The following CXCL13 variants were observed in gnomAD, a reference collection of about 807,000 sequenced individuals.
The protein encoded by CXCL13 is C-X-C motif chemokine 13.
Under a neutral mutation model 12.2 loss-of-function variants are expected in CXCL13, and 7 were observed. The observed-to-expected ratio is 0.57, with a 90% CI of 0.33 to 1.07. The LOEUF (loss-of-function observed/expected upper bound fraction) is 1.07. CXCL13 is among the 50% of genes least tolerant of loss of function. The probability of loss-of-function intolerance (pLI) is 0.04; values close to 1 mark genes in which losing one functional copy is unlikely to be tolerated. For synonymous variants in CXCL13, 47 were observed against 42.4 expected (o/e 1.11, Z -0.42); for missense variants, 113 against 127.4 (o/e 0.89, Z 0.55).
At chr4:77,602,083 C>T (rs1726890336), upstream of CXCL13, among the ~76,000 whole-genome samples, 1 of 152,184 alleles carries the variant, frequency 6.6e-6, no homozygotes, top group Non-Finnish European at 1.5e-5. Flanking sequence ...GACATTTGTC[C>T]TATCTCTTAC....
chr4:77,556,531 C>T (rs1725663857), intron 1 of CXCL13, among the ~76,000 whole-genome samples: 1 of 151,962 alleles, frequency 6.6e-6, no homozygotes, highest in Non-Finnish European at 1.5e-5. Context: ...GTGGTAGGTG[C>T]ACAAATGTAT....
rs1422734521 is a variant in CXCL13 at position 77,611,705 on chromosome 4, C to G, written c.*666C>G. The G allele has an allele frequency of 2.5e-6, 1 of 397,822 alleles. No homozygotes were observed. The highest frequency in any genetic ancestry group is 2.1e-5 in the African/African-American group (1 of 48,184). The allele number at this position is 397,822 out of a possible 1,614,324, so 24.6% of individuals were successfully genotyped here. A position where few individuals can be genotyped will look rare whatever the true frequency, so the allele number is the denominator to read the frequency against. The stretch of plus-strand genomic sequence containing the variant: ...TTCACACATTTGCCTTGACAAACTT[C>G]TTTCACTCACATCTTTTTCACTGAC... On this transcript the variant is annotated 3_prime_UTR_variant, in exon 4 of 4. Transcript: ENST00000682537.
At chr4:77,581,923 G>T (rs1221136428) in intron 1 of CXCL13, among the ~76,000 whole-genome samples, 3 of 152,056 alleles carry the variant, frequency 2.0e-5, no homozygotes, top group African/African-American at 7.2e-5. Flanking sequence ...TGCAATTTTG[G>T]TTTCTATTAC....
chr4:77,600,754 G>T (rs1726865432), intron 1 of CXCL13, among the ~76,000 whole-genome samples: 1 of 152,208 alleles, frequency 6.6e-6, no homozygotes, highest in Non-Finnish European at 1.5e-5. Context: ...GGCCGAATGT[G>T]ATCTCATGCC....
upstream of CXCL13, among the ~76,000 whole-genome samples, chr4:77,605,624 C>T (rs1213564317): frequency 6.6e-6 from 1 of 152,140 alleles, no homozygotes; most frequent in Non-Finnish European, 1.5e-5. Context: ...CACTTATAGT[C>T]CATGTTTGCA....
chr4:77,542,736 CT>C (rs929070193), intron 1 of CXCL13, among the ~76,000 whole-genome samples: 1 of 152,132 alleles, frequency 6.6e-6, no homozygotes, highest in Non-Finnish European at 1.5e-5. Context: ...GGTGAACTAA[CT>C]TTTTTAAGTG....
At chr4:77,519,593 C>G (rs1428751968) in intron 1 of CXCL13, among the ~76,000 whole-genome samples, 3 of 152,104 alleles carry the variant, frequency 2.0e-5, no homozygotes, top group Non-Finnish European at 4.4e-5. Context: ...TGTTTGAGTT[C>G]TTTGTAGATT....
At chr4:77,526,090 G>A (rs924097394) in intron 1 of CXCL13, among the ~76,000 whole-genome samples, 2 of 151,986 alleles carry the variant, frequency 1.3e-5, no homozygotes, top group Non-Finnish European at 2.9e-5. Context: ...AGAGAAGACT[G>A]CAGAAGGTAG....
Position 77,555,965 on chromosome 4 carries a change from G to A in CXCL13, c.-43+44177G>A, listed in dbSNP as rs1477576633. On this transcript the variant is annotated intron_variant, in intron 1 of 4. Transcript: ENST00000286758. ...AACCAAATAACTGAGAATGTCATGGGTGAGGTTATGGAGCCACTGAAACTC... is the reference window on the plus strand; with the variant it reads ...AACCAAATAACTGAGAATGTCATGGATGAGGTTATGGAGCCACTGAAACTC... Among the ~76,000 whole-genome samples the A allele has an allele frequency of 2.6e-5, 4 of 152,156 alleles. No homozygotes were observed. The South Asian group carries it at 6.2e-4, about 24-fold the overall frequency.
intron 1 of CXCL13, among the ~76,000 whole-genome samples, chr4:77,513,820 T>C (rs1398387859): frequency 1.4e-5 from 2 of 145,830 alleles, no homozygotes; most frequent in South Asian, 2.2e-4. Flanking sequence ...TTTTTTTTTT[T>C]ATACTTTAAG....
chr4:77,560,390 G>T (rs530382628), intron 1 of CXCL13, among the ~76,000 whole-genome samples: 1 of 152,270 alleles, frequency 6.6e-6, no homozygotes, highest in South Asian at 2.1e-4. Flanking sequence ...TCAGCCAAAG[G>T]TCAACAGGTA....
At chr4:77,564,112 T>C (rs1309384664) in intron 1 of CXCL13, among the ~76,000 whole-genome samples, 2 of 152,218 alleles carry the variant, frequency 1.3e-5, no homozygotes, top group Non-Finnish European at 2.9e-5. Context: ...CCCGGTCCCA[T>C]TTGTATTAAT....
intron 1 of CXCL13, among the ~76,000 whole-genome samples, chr4:77,558,326 G>T (rs1032494132): frequency 9.2e-5 from 14 of 152,104 alleles, no homozygotes; most frequent in African/African-American, 3.4e-4. Flanking sequence ...AAGGGGAGAG[G>T]GCTAACCCTT....
chr4:77,537,399 C>T (rs1291950043), intron 1 of CXCL13, among the ~76,000 whole-genome samples: 3 of 152,182 alleles, frequency 2.0e-5, no homozygotes, highest in African/African-American at 7.2e-5. Flanking sequence ...ATCACACCTC[C>T]AGCTTGTTGT....
intron 1 of CXCL13, among the ~76,000 whole-genome samples, chr4:77,597,900 C>T (rs1560536887): frequency 2.0e-5 from 3 of 152,162 alleles, no homozygotes; most frequent in African/African-American, 4.8e-5. Context: ...CTTTGGGAGA[C>T]TGCCAGGTGT....
At chr4:77,553,527 C>T (rs371297525) in intron 1 of CXCL13, among the ~76,000 whole-genome samples, 3 of 152,234 alleles carry the variant, frequency 2.0e-5, no homozygotes, top group African/African-American at 7.2e-5. Flanking sequence ...AGTGCTCTCC[C>T]TTGGCCTGAA....
chr4:77,516,012 C>A (rs991855363), intron 1 of CXCL13, among the ~76,000 whole-genome samples: 1 of 152,112 alleles, frequency 6.6e-6, no homozygotes, highest in South Asian at 2.1e-4. Context: ...GAGTTTTTAG[C>A]GTGAAGTGCT....
chr4:77,514,651 T>C (rs1408356892), intron 1 of CXCL13, among the ~76,000 whole-genome samples: 1 of 150,034 alleles, frequency 6.7e-6, no homozygotes, highest in Non-Finnish European at 1.5e-5. Context: ...TTTGATGGGG[T>C]TGTTTGTTTT....
intron 1 of CXCL13, among the ~76,000 whole-genome samples, chr4:77,527,938 C>T (rs910575151): frequency 1.3e-5 from 2 of 151,994 alleles, no homozygotes; most frequent in African/African-American, 2.4e-5. Flanking sequence ...TATCCCCCCA[C>T]CCCACAACAG....
Sources: allele counts gnomAD v4.1 joint callset (sites outside exome capture counted in the v4.1 genomes callset), GRCh38; gene constraint gnomAD v4.1.1; transcripts MANE v1.5; gene names NCBI Gene and HGNC (gene_info 2026-07-23, HGNC 2026-07-21).